The following FBXO22 variants were observed in gnomAD, a reference collection of about 807,000 sequenced individuals.
FBXO22 encodes F-box only protein 22.
FBXO22 carries 13 observed loss-of-function variants against 37.2 expected under a neutral mutation model. The ratio of observed to expected loss-of-function variants is 0.35; its 90% CI spans 0.23 to 0.56. The LOEUF (loss-of-function observed/expected upper bound fraction) is 0.56. Among genes scored for constraint, FBXO22 ranks in the 20% least tolerant of loss-of-function variants. FBXO22 has a pLI of 0.87. For synonymous variants in FBXO22, 189 were observed against 189.1 expected (o/e 1.00, Z 0.00); for missense variants, 446 against 509.9 (o/e 0.87, Z 1.21).
chr15:75,914,237 C>T (rs1321611211), intron 4 of FBXO22, 32 bp downstream of exon 4: 2 of 1,492,276 alleles, frequency 1.3e-6, no homozygotes, highest in Non-Finnish European at 1.9e-6. Context: ...ATGATTTCTT[C>T]CTTGCATTAA....
intron 2 of FBXO22, among the ~76,000 whole-genome samples, chr15:75,908,071 G>A (rs1006038881): frequency 1.3e-5 from 2 of 152,132 alleles, no homozygotes; most frequent in African/African-American, 4.8e-5. Context: ...TCATATTGAG[G>A]CTTGTTATGT....
chr15:75,921,397 C>T (rs527660583), intron 5 of FBXO22, among the ~76,000 whole-genome samples: 32 of 152,318 alleles, frequency 2.1e-4, no homozygotes, highest in African/African-American at 6.0e-4. Flanking sequence ...CACAGTGGCT[C>T]ATGCCTGTAA....
chr15:75,910,397 G>A (rs920886785), intron 2 of FBXO22: 2 of 152,230 alleles, frequency 1.3e-5, no homozygotes, highest in African/African-American at 4.8e-5. Flanking sequence ...GTGTGAAAGT[G>A]TTCCTGTTTC....
In FBXO22 at chr15:75,939,352, C is replaced by T. The variant is rs2030702540; in HGVS notation, c.*6250C>T. 1 of 151,998 alleles carries T rather than the reference C, an allele frequency of 6.6e-6. No homozygotes were observed. The highest frequency in any genetic ancestry group is 6.5e-5 in the Admixed American group (1 of 15,278). The allele number at this position is 151,998 out of a possible 1,614,324, so 9.4% of individuals were successfully genotyped here. A position where few individuals can be genotyped will look rare whatever the true frequency, so the allele number is the denominator to read the frequency against. The stretch of plus-strand genomic sequence containing the variant: ...CAAAGTCCTAGAAATGCAAAACGTA[C>T]TACTGCTGAACTATGAAAAAAATTT... On this transcript the variant is annotated 3_prime_UTR_variant, in exon 7 of 7. Coordinates refer to ENST00000308275, the MANE Select transcript of FBXO22 (RefSeq NM_147188.3).
At chr15:75,911,882 A>G (rs1371961777) in intron 2 of FBXO22, among the ~76,000 whole-genome samples, 1 of 148,242 alleles carries the variant, frequency 6.7e-6, no homozygotes, top group African/African-American at 2.5e-5. Flanking sequence ...CCCATCTAGT[A>G]TGATACTGGC....
In FBXO22 at chr15:75,934,553, GA is replaced by G. The variant is rs1378032528; in HGVS notation, c.*1455del. 6.6e-6 allele frequency: 1 copy of G among 152,000 alleles called. No homozygotes were observed. Among genetic ancestry groups the G allele is most frequent in the African/African-American group, 2.4e-5 (1 of 41,388 alleles). The allele number at this position is 152,000 out of a possible 1,614,324, so 9.4% of individuals were successfully genotyped here. A position where few individuals can be genotyped will look rare whatever the true frequency, so the allele number is the denominator to read the frequency against. ...TCACTTTTATCCTTTTTTTAAAACT[GA>G]AAATATTTTTCTCTTGCTATTTATA... On this transcript the variant is annotated 3_prime_UTR_variant, in exon 7 of 7. Coordinates refer to ENST00000308275, the MANE Select transcript of FBXO22 (RefSeq NM_147188.3).
At chr15:75,923,266 A>G (rs574352228) in intron 5 of FBXO22, among the ~76,000 whole-genome samples, 1 of 152,364 alleles carries the variant, frequency 6.6e-6, no homozygotes, top group African/African-American at 2.4e-5. Flanking sequence ...TTATAGTGCC[A>G]AGTATAGGAA....
intron 5 of FBXO22, among the ~76,000 whole-genome samples, chr15:75,925,092 CTG>C (rs1252316253): frequency 1.3e-5 from 2 of 152,040 alleles, no homozygotes; most frequent in African/African-American, 4.8e-5. Flanking sequence ...TGGAAGTGTC[CTG>C]TGTTTTCCAT....
At chr15:75,907,715 G>A (rs1330536161) in intron 2 of FBXO22, among the ~76,000 whole-genome samples, 1 of 151,906 alleles carries the variant, frequency 6.6e-6, no homozygotes, top group Non-Finnish European at 1.5e-5. Flanking sequence ...GGCCAACATG[G>A]TGAAACCCCG....
intron 1 of FBXO22, 124 bp from the exon 2 acceptor site, chr15:75,904,367 A>C: frequency 5.0e-6 from 7 of 1,406,238 alleles, no homozygotes; most frequent in African/African-American, 1.4e-5. Context: ...ACACCTACCT[A>C]CCCCGGGGAC....
rs772011588 is a variant in FBXO22, at chr15:75,917,386, C to T, written c.620C>T (p.Thr207Ile). Residue 207 changes from threonine to isoleucine, a missense_variant, in exon 5 of 7, where the codon ACT (threonine) becomes ATT (isoleucine). By Grantham distance (89) the Thr-to-Ile change is moderately conservative. Coordinates refer to ENST00000308275, the MANE Select transcript of FBXO22 (RefSeq NM_147188.3). The stretch of plus-strand genomic sequence containing the variant: ...TTAACATTAGAAAGACATCAACTCA[C>T]TGAAGTAGGTAAGTTACTTTTATTT... ...KNLTLERHQL[T>I]EVGLLDNPEL... 5.5e-5 allele frequency: 87 copies of T among 1,579,604 alleles called. No individual in the cohort carries two copies. The Admixed American group carries it at 1.2e-3, about 22-fold the overall frequency.
At chr15:75,913,740 C>G (rs913614957) in intron 3 of FBXO22, among the ~76,000 whole-genome samples, 4 of 152,158 alleles carry the variant, frequency 2.6e-5, no homozygotes, top group African/African-American at 7.2e-5. Context: ...AATGGATTCT[C>G]ATTGTCTAAT....
At chr15:75,927,782 G>C (rs944526469) in intron 5 of FBXO22, among the ~76,000 whole-genome samples, 1 of 152,118 alleles carries the variant, frequency 6.6e-6, no homozygotes, top group Non-Finnish European at 1.5e-5. Context: ...TCATTATTTG[G>C]TGTTAGTAAT....
In FBXO22 at chr15:75,931,293, A is replaced by G. The variant is rs187011530; in HGVS notation, c.794+1244A>G. Among the ~76,000 whole-genome samples, 3 of 152,056 alleles carry G rather than the reference A, an allele frequency of 2.0e-5. No homozygotes were observed. In the East Asian group the frequency reaches 5.8e-4, roughly 29 times the overall value. ...AGAAACACCCCCCACCCCAATCATT[A>G]CTCTTCACATGACCCATTAATTTTA... On this transcript the variant is annotated intron_variant, in intron 6 of 6. Coordinates refer to ENST00000308275, the MANE Select transcript of FBXO22 (RefSeq NM_147188.3).
Position 75,907,955 on chromosome 15 carries a change from A to T in FBXO22, c.279+3326A>T, listed in dbSNP as rs574606290. 1.3e-3 allele frequency among the ~76,000 whole-genome samples: 200 copies of T among 151,882 alleles called. 1 individual carries two copies. The highest frequency in any genetic ancestry group is 6.8e-3 in the Middle Eastern group (2 of 294). ...TGAGACTGTGTCTCAAAAAAAAAAA[A>T]TTTTTTTAAAGTCCACCAAAAGCTT... is the stretch of plus-strand genomic sequence containing the variant. On this transcript the variant is annotated intron_variant, in intron 2 of 6. Transcript: ENST00000308275.
chr15:75,918,904 A>C (rs1238320051), intron 5 of FBXO22, among the ~76,000 whole-genome samples: 1 of 152,178 alleles, frequency 6.6e-6, no homozygotes. Flanking sequence ...TGGAGGAATA[A>C]GTTCTTGAGG....
chr15:75,929,845 T>A, intron 5 of FBXO22, 39 bp from the exon 6 acceptor site: 1 of 1,610,716 alleles, frequency 6.2e-7, no homozygotes, highest in Non-Finnish European at 8.5e-7. Context: ...ATTTCTGTTT[T>A]AAGGCTGTCT....
At chr15:75,905,573 C>G (rs1899912534) in intron 2 of FBXO22, 1 of 152,248 alleles carries the variant, frequency 6.6e-6, no homozygotes, top group African/African-American at 2.4e-5. Flanking sequence ...CCATTTTATC[C>G]TCAGACTCGG....
At chr15:75,907,291 C>A (rs1899950931) in intron 2 of FBXO22, among the ~76,000 whole-genome samples, 1 of 152,044 alleles carries the variant, frequency 6.6e-6, no homozygotes, top group African/African-American at 2.4e-5. Context: ...TTTCCTATGC[C>A]CTTATAGAGT....
Sources: allele counts gnomAD v4.1 joint callset (sites outside exome capture counted in the v4.1 genomes callset), GRCh38; gene constraint gnomAD v4.1.1; transcripts MANE v1.5; gene names NCBI Gene and HGNC (gene_info 2026-07-23, HGNC 2026-07-21).